DNMT3A: variants seen among roughly 807,000 people sequenced by gnomAD.
The protein encoded by DNMT3A is DNA (cytosine-5)-methyltransferase 3A.
In DNMT3A, 267 loss-of-function variants were observed where a neutral mutation model predicts 117.6. That is an observed-to-expected ratio of 2.27 (90% confidence interval 2.05 to 2.51). The LOEUF (loss-of-function observed/expected upper bound fraction) is 2.51. Among genes scored for constraint, DNMT3A ranks in the 30% most tolerant of loss-of-function variants. The pLI is 0.00. For missense variants in DNMT3A, 1,029 were observed against 1,260.2 expected (o/e 0.82, Z 2.78); for synonymous variants, 432 against 474.8 (o/e 0.91, Z 1.17).
rs561328744 is a variant in DNMT3A at position 25,279,171 on chromosome 2, C to T, written c.448+3270G>A. Among the ~76,000 whole-genome samples the T allele has an allele frequency of 5.3e-5, 8 of 152,288 alleles. No individual in the cohort carries two copies. The East Asian group carries it at 5.8e-4, about 11-fold the overall frequency. ...AGACCCAAGACAAGCACAGGCCTGT[C>T]GGGTGTTGGCTCCTGTCCCTATCAC... On this transcript the variant is annotated intron_variant, in intron 4 of 22. Transcript: ENST00000321117.
At chr2:25,326,663 C>T (rs1406240017) in intron 1 of DNMT3A, among the ~76,000 whole-genome samples, 2 of 152,184 alleles carry the variant, frequency 1.3e-5, no homozygotes, top group East Asian at 3.8e-4. Context: ...TCTCTAGCAG[C>T]CAGATCTTGC....
intron 6 of DNMT3A, among the ~76,000 whole-genome samples, chr2:25,274,519 C>G (rs2149364584): frequency 6.6e-6 from 1 of 152,318 alleles, no homozygotes; most frequent in East Asian, 1.9e-4. Flanking sequence ...GTGCTGTTTC[C>G]TCTGCCTAGA....
At chr2:25,323,149 A>T (rs1333942120) in intron 1 of DNMT3A, among the ~76,000 whole-genome samples, 1 of 151,888 alleles carries the variant, frequency 6.6e-6, no homozygotes, top group African/African-American at 2.4e-5. Context: ...CCTCCCTGGA[A>T]CCTTTTTATC....
intron 3 of DNMT3A, among the ~76,000 whole-genome samples, chr2:25,291,519 G>C (rs1023357027): frequency 6.6e-6 from 1 of 152,254 alleles, no homozygotes; most frequent in East Asian, 1.9e-4. Context: ...CTAGGACCCT[G>C]ACTCCTCCAA....
At chr2:25,320,316 G>C (rs2034543545) in intron 1 of DNMT3A, among the ~76,000 whole-genome samples, 1 of 152,184 alleles carries the variant, frequency 6.6e-6, no homozygotes, top group Non-Finnish European at 1.5e-5. Context: ...TCTTTTACCT[G>C]CTGTGACTGC....
chr2:25,325,945 A>G lies in DNMT3A; in HGVS notation c.-177-11784T>C, dbSNP rs866497667. On this transcript the variant is annotated intron_variant, in intron 1 of 22. Transcript: ENST00000321117. ...GAGGGTTTGGGTTACTCCACCAAGT[A>G]AAAGAAGCATGACCTGCTAAGGCTC... 2.0e-5 allele frequency among the ~76,000 whole-genome samples: 3 copies of G among 152,220 alleles called. No individual in the cohort carries two copies. In the South Asian group the frequency reaches 6.2e-4, roughly 31 times the overall value.
chr2:25,260,899 T>A (rs920045858), intron 6 of DNMT3A, among the ~76,000 whole-genome samples: 2 of 151,736 alleles, frequency 1.3e-5, no homozygotes, highest in Admixed American at 6.6e-5. Context: ...GAAGCTGAGG[T>A]GGGAGGATCA....
rs1672761845 is a variant in DNMT3A at position 25,228,591 on chromosome 2, A to G, written c.*5688T>C. On this transcript the variant is annotated 3_prime_UTR_variant, in exon 23 of 23. Coordinates refer to ENST00000321117, the MANE Select transcript of DNMT3A (RefSeq NM_022552.5). ...AAGTACAAAGTTAAAATGCCTTTTT[A>G]ATAATAATATATCAGAGTAAAATAA... 6.6e-6 allele frequency: 1 copy of G among 152,226 alleles called. No individual in the cohort carries two copies. The highest frequency in any genetic ancestry group is 2.1e-4 in the South Asian group (1 of 4,836). The allele number at this position is 152,226 out of a possible 1,614,324, so 9.4% of individuals were successfully genotyped here. A position where few individuals can be genotyped will look rare whatever the true frequency, so the allele number is the denominator to read the frequency against.
intron 6 of DNMT3A, chr2:25,251,894 G>C: frequency 2.3e-6 from 1 of 443,044 alleles, no homozygotes; most frequent in Non-Finnish European, 4.0e-6. Flanking sequence ...AGCTCCGCGT[G>C]CCCCAGCCTG....
In DNMT3A at chr2:25,231,751, G is replaced by A; in HGVS notation, c.*2528C>T. Reference sequence around the variant, plus strand: ...GAAGAATCTTTTGACATCACCAGGGGCAAAAGAGATAGAACACTACCTGCT... The same window carrying A: ...GAAGAATCTTTTGACATCACCAGGGACAAAAGAGATAGAACACTACCTGCT... On this transcript the variant is annotated 3_prime_UTR_variant, in exon 23 of 23. Coordinates refer to ENST00000321117, the MANE Select transcript of DNMT3A (RefSeq NM_022552.5). 1 of 152,272 alleles carries A rather than the reference G, an allele frequency of 6.6e-6. No individual in the cohort carries two copies. The allele number at this position is 152,272 out of a possible 1,614,324, so 9.4% of individuals were successfully genotyped here. A position where few individuals can be genotyped will look rare whatever the true frequency, so the allele number is the denominator to read the frequency against.
intron 19 of DNMT3A, chr2:25,239,536 G>A (rs781664319): frequency 2.1e-5 from 12 of 561,320 alleles, no homozygotes; most frequent in Middle Eastern, 5.5e-4. Context: ...CAATGTGATT[G>A]AGGAGCTGAA....
chr2:25,313,864 G>T (rs1350578954), intron 2 of DNMT3A, 49 bp downstream of exon 2: 8 of 1,548,526 alleles, frequency 5.2e-6, no homozygotes, highest in African/African-American at 1.4e-5. Flanking sequence ...TAGGGACAGG[G>T]CTCTCCCTCT....
intron 3 of DNMT3A, 68 bp downstream of exon 3, chr2:25,300,071 C>A (rs1237227031): frequency 6.5e-7 from 1 of 1,527,456 alleles, no homozygotes; most frequent in South Asian, 1.2e-5. Flanking sequence ...TACATCACTG[C>A]CATCGACAGG....
At chr2:25,253,552 A>G (rs1675841705) in intron 6 of DNMT3A, among the ~76,000 whole-genome samples, 2 of 151,964 alleles carry the variant, frequency 1.3e-5, no homozygotes, top group African/African-American at 2.4e-5. Flanking sequence ...GCCCACCTCC[A>G]CCCTCCCAGT....
intron 2 of DNMT3A, among the ~76,000 whole-genome samples, chr2:25,303,808 C>T (rs974694133): frequency 3.9e-5 from 6 of 152,206 alleles, no homozygotes; most frequent in Admixed American, 3.3e-4. Context: ...GTTCCCTCTG[C>T]GGAGGGAGGG....
In DNMT3A at chr2:25,237,636, G is replaced by A. The variant is rs1673515161; in HGVS notation, c.2409-631C>T. Among the ~76,000 whole-genome samples the A allele has an allele frequency of 6.6e-6, 1 of 152,038 alleles. No homozygotes were observed. The highest frequency in any genetic ancestry group is 2.4e-5 in the African/African-American group (1 of 41,388). ...AAAAATTAGCCAGACGTGGTGGCAG[G>A]TGCCTGTAATCCCAGCTACTCGGGA... is the stretch of plus-strand genomic sequence containing the variant. On this transcript the variant is annotated intron_variant, in intron 20 of 22. Transcript: ENST00000321117. The surrounding 1 kb of genome is among the most constrained non-coding windows in gnomAD (Gnocchi z 5.4).
rs141585891 is a variant in DNMT3A at position 25,296,523 on chromosome 2, G to C, written c.177+3616C>G. On this transcript the variant is annotated intron_variant, in intron 3 of 22. Transcript: ENST00000321117. This position sits in a 1 kb window ranked among gnomAD's most constrained non-coding sequence, Gnocchi z 4.2. ...TCCCGGGGGGTTCCTGAAGAAGGAC[G>C]TGCCGGTGCTACATTTACTGTGATT... 2.0e-5 allele frequency among the ~76,000 whole-genome samples: 3 copies of C among 152,208 alleles called. No individual in the cohort carries two copies. The highest frequency in any genetic ancestry group is 4.4e-5 in the Non-Finnish European group (3 of 68,042).
rs2149277318 is a variant in DNMT3A, at chr2:25,241,549, A to G, written c.2082+13T>C. 6.2e-7 allele frequency: 1 copy of G among 1,608,854 alleles called. No homozygotes were observed. The highest frequency in any genetic ancestry group is 8.5e-7 in the Non-Finnish European group (1 of 1,177,748). ...GAGGGGAAGACGGGCTGCGCCCCAC[A>G]GCATGGACATACATGCTTCTGTGTG... On this transcript the variant is annotated intron_variant, in intron 17 of 22. Coordinates refer to ENST00000321117, the MANE Select transcript of DNMT3A (RefSeq NM_022552.5).
intron 3 of DNMT3A, among the ~76,000 whole-genome samples, chr2:25,289,119 T>TG (rs1454916645): frequency 1.3e-5 from 2 of 151,998 alleles, no homozygotes; most frequent in Non-Finnish European, 2.9e-5. Context: ...TTTTTTTTTT[T>TG]TTTGAGACCG....
Sources: gnomAD v4.1 joint callset for allele counts (sites outside exome capture counted in the v4.1 genomes callset) on GRCh38, gnomAD v4.1.1 for gene constraint, Gnocchi (gnomAD v3.1) non-coding constraint, MANE v1.5 for transcripts, NCBI Gene and HGNC (gene_info 2026-07-23, HGNC 2026-07-21) for gene names.